Variants in RFESD observed in about 807,000 individuals in gnomAD.
RFESD encodes the protein Rieske Fe-S domain containing, also known as Rieske domain-containing protein.
A neutral mutation model predicts 24.4 loss-of-function variants in RFESD; 16 were observed. That is an observed-to-expected ratio of 0.66 (90% confidence interval 0.44 to 1.00). RFESD has a LOEUF of 1.00. Ranked by LOEUF, RFESD falls within the 50% of genes least tolerant of loss-of-function variation. RFESD has a pLI of 0.00. For synonymous variants in RFESD, 59 were observed against 81.8 expected (o/e 0.72, Z 1.50); for missense variants, 208 against 247.0 (o/e 0.84, Z 1.06).
At chr5:95,646,899 T>G (rs1750122198) in intron 1 of RFESD, 82 bp downstream of exon 1, 1 of 152,404 alleles carries the variant, frequency 6.6e-6, no homozygotes, top group South Asian at 2.1e-4. Flanking sequence ...GACTCCTCAT[T>G]CCGGCTGTGG....
rs201059797 is a variant in RFESD, at chr5:95,652,318, C to T, written c.47C>T (p.Thr16Ile). The change falls in exon 2 of 6, where the codon ACA becomes ATA. Residue 16 changes from threonine (T) to isoleucine (I), a missense_variant. Physicochemically the swap from Thr to Ile is moderately conservative, Grantham distance 89. Transcript: ENST00000380005. ...RNCLRPSSLSTLPLQYGILFP... is the reference protein window; with the variant it reads ...RNCLRPSSLSILPLQYGILFP... ...TGTCTTAGACCTTCTTCCTTATCTA[C>T]ACTTCCTCTCCAAGTGAGTCCATAG... 8.4e-4 allele frequency: 1,302 copies of T among 1,550,958 alleles called. 14 individuals are homozygous for T. In the Middle Eastern group the frequency reaches 9.5e-3, roughly 11 times the overall value.
At chr5:95,652,400 C>T (rs1750395493) in intron 2 of RFESD, 69 bp downstream of exon 2, 1 of 1,518,644 alleles carries the variant, frequency 6.6e-7, no homozygotes, top group African/African-American at 1.4e-5. Context: ...CGACTTTAGT[C>T]TCATATATCT....
chr5:95,651,978 AG>A (rs1485289036), intron 1 of RFESD, among the ~76,000 whole-genome samples, 158 bp from the exon 2 acceptor site: 1 of 152,174 alleles, frequency 6.6e-6, no homozygotes, highest in Non-Finnish European at 1.5e-5. Flanking sequence ...CAAAGAGAAA[AG>A]GGTACAGGGT....
chr5:95,649,441 G>A (rs1434425367), intron 1 of RFESD, among the ~76,000 whole-genome samples: 1 of 151,866 alleles, frequency 6.6e-6, no homozygotes, highest in Non-Finnish European at 1.5e-5. Context: ...TTTGTTTTTT[G>A]CTGTTATAAC....
In RFESD at chr5:95,654,301, G is replaced by A. The variant is rs369809963; in HGVS notation, c.335-32G>A. ...AAACTATCAAAATTTCAGTTTTTTAGTGACTGCAGGTAATATTCAATTCCT... is the reference window on the plus strand; with the variant it reads ...AAACTATCAAAATTTCAGTTTTTTAATGACTGCAGGTAATATTCAATTCCT... On this transcript the variant is annotated intron_variant, in intron 4 of 5. Coordinates refer to ENST00000380005, the MANE Select transcript of RFESD (RefSeq NM_001131066.2). 10 of 1,609,098 alleles carry A rather than the reference G, an allele frequency of 6.2e-6. No homozygotes were observed. In the South Asian group the frequency reaches 6.6e-5, roughly 11 times the overall value.
rs1048554646 is a variant in RFESD at position 95,656,992 on chromosome 5, T to C, written c.*683T>C. ...TTGAAAATAAGAAACTTAACCACTG[T>C]TAAGTGATCTGTGATCAAGGCAGAT... On this transcript the variant is annotated 3_prime_UTR_variant, in exon 6 of 6. Coordinates refer to ENST00000380005, the MANE Select transcript of RFESD (RefSeq NM_001131066.2). The C allele has an allele frequency of 1.3e-5, 2 of 152,174 alleles. No homozygotes were observed. Among genetic ancestry groups the C allele is most frequent in the South Asian group, 2.1e-4 (1 of 4,838 alleles). 9.4% of individuals were successfully genotyped at this position (152,174 alleles called of 1,614,324 possible).
At position 95,656,150 on chromosome 5, in the gene RFESD, A is replaced by G. The variant is rs1750745055; in HGVS notation, c.474A>G (p.Ser158=). 1 of 1,614,056 alleles carries G rather than the reference A, an allele frequency of 6.2e-7. No homozygotes were observed. The highest frequency in any genetic ancestry group is 8.5e-7 in the Non-Finnish European group (1 of 1,179,902). Residue 158 remains serine, a synonymous_variant, in exon 6 of 6, where the codon TCA becomes TCG. Transcript: ENST00000380005. ...LYQSINPKDP[S]AKPKWCSKGI... ...AGTCTATAAACCCTAAAGATCCATC[A>G]GCAAAACCCAAGTGGTGCTCCAAAG...
At chr5:95,653,238 T>A (rs980320138) in intron 3 of RFESD, 24 bp downstream of exon 3, 3 of 1,551,402 alleles carry the variant, frequency 1.9e-6, no homozygotes, top group Admixed American at 2.0e-5. Flanking sequence ...AGGTTTTCAT[T>A]CATACCCACC....
chr5:95,652,900 G>T (rs1561386447), intron 2 of RFESD: 1 of 577,604 alleles, frequency 1.7e-6, no homozygotes, highest in Non-Finnish European at 2.9e-6. Flanking sequence ...ATTCTCCACA[G>T]AGCCGGGAGC....
chr5:95,646,939 T>C (rs1338080607), intron 1 of RFESD, 122 bp downstream of exon 1: 2 of 152,362 alleles, frequency 1.3e-5, no homozygotes, highest in Non-Finnish European at 2.9e-5. Flanking sequence ...GAGGCCCTCT[T>C]GGGTTTTGGT....
intron 1 of RFESD, chr5:95,647,515 G>T (rs756331727): frequency 6.6e-6 from 1 of 152,132 alleles, no homozygotes; most frequent in Non-Finnish European, 1.5e-5. Context: ...TAGCTCACTC[G>T]TGATCACAAT....
At chr5:95,654,817 T>C (rs981092769) in intron 5 of RFESD, among the ~76,000 whole-genome samples, 1 of 151,038 alleles carries the variant, frequency 6.6e-6, no homozygotes, top group African/African-American at 2.5e-5. Context: ...TTATGAGATC[T>C]CTTTTTTCAT....
intron 5 of RFESD, among the ~76,000 whole-genome samples, chr5:95,654,885 G>A (rs1478357468): frequency 6.6e-6 from 1 of 151,880 alleles, no homozygotes; most frequent in African/African-American, 2.4e-5. Flanking sequence ...TTTTTAAAAT[G>A]AGTATATATT....
At position 95,652,326 on chromosome 5, in the gene RFESD, C is replaced by G. The variant is rs749892741; in HGVS notation, c.55C>G (p.Leu19Val). 1.3e-6 allele frequency: 2 copies of G among 1,550,772 alleles called. No homozygotes were observed. The highest frequency in any genetic ancestry group is 2.4e-5 in the South Asian group (2 of 83,888). ...LRPSSLSTLP[L>V]QYGILFPKLL... ...ACCTTCTTCCTTATCTACACTTCCT[C>G]TCCAAGTGAGTCCATAGAATTCTAT... Residue 19 changes from leucine to valine, a missense_variant, in exon 2 of 6, where the codon CTC becomes GTC. Physicochemically the swap from Leu to Val is conservative, Grantham distance 32. Coordinates refer to ENST00000380005, the MANE Select transcript of RFESD (RefSeq NM_001131066.2).
intron 3 of RFESD, 88 bp from the exon 4 acceptor site, chr5:95,653,973 G>A (rs2112513574): frequency 5.7e-6 from 6 of 1,049,692 alleles, no homozygotes; most frequent in South Asian, 1.7e-5. Context: ...TGAAAAGTCC[G>A]AACTATTCAT....
chr5:95,648,302 A>G (rs1750184202), intron 1 of RFESD, among the ~76,000 whole-genome samples: 1 of 152,228 alleles, frequency 6.6e-6, no homozygotes, highest in African/African-American at 2.4e-5. Flanking sequence ...AACATGAAAC[A>G]CAACGACTAA....
intron 1 of RFESD, among the ~76,000 whole-genome samples, chr5:95,648,843 T>C (rs1251624521): frequency 2.0e-5 from 3 of 151,926 alleles, no homozygotes; most frequent in Non-Finnish European, 4.4e-5. Context: ...TAATTAACTT[T>C]TGATATTATA....
chr5:95,655,149 G>A (rs984811383), intron 5 of RFESD, among the ~76,000 whole-genome samples: 2 of 152,246 alleles, frequency 1.3e-5, no homozygotes, highest in East Asian at 1.9e-4. Context: ...GTTAAAGAAC[G>A]TATGTGTGTT....
Position 95,657,593 on chromosome 5 carries a change from C to G in RFESD, c.*1284C>G, listed in dbSNP as rs1390214940. 6.6e-6 allele frequency: 1 copy of G among 152,052 alleles called. No individual in the cohort carries two copies. Among genetic ancestry groups the G allele is most frequent in the African/African-American group, 2.4e-5 (1 of 41,404 alleles). 9.4% of individuals were successfully genotyped at this position (152,052 alleles called of 1,614,324 possible). A position where few individuals can be genotyped will look rare whatever the true frequency, so the allele number is the denominator to read the frequency against. On this transcript the variant is annotated 3_prime_UTR_variant, in exon 6 of 6. Coordinates refer to ENST00000380005, the MANE Select transcript of RFESD (RefSeq NM_001131066.2). ...TCTAAGGAGCCGACCTGGACTCTTT[C>G]TCTTGGTTATTATAAAAATAGTAAA...
Sources: allele counts gnomAD v4.1 joint callset (sites outside exome capture counted in the v4.1 genomes callset), GRCh38; gene constraint gnomAD v4.1.1; transcripts MANE v1.5; gene names NCBI Gene and HGNC (gene_info 2026-07-23, HGNC 2026-07-21).